The following TBC1D4 variants were observed in gnomAD, a reference collection of about 807,000 sequenced individuals.
TBC1D4 encodes the protein TBC1 domain family member 4.
In TBC1D4, 121 loss-of-function variants were observed where a neutral mutation model predicts 142.5. The observed-to-expected ratio is 0.85, with a 90% CI of 0.73 to 0.99. The LOEUF (loss-of-function observed/expected upper bound fraction) is 0.99. Among genes scored for constraint, TBC1D4 ranks in the 50% least tolerant of loss-of-function variants. The pLI, the probability that TBC1D4 is intolerant of heterozygous loss-of-function variation, is 0.00. For synonymous variants in TBC1D4, 630 were observed against 628.2 expected, an observed-to-expected ratio of 1.00 and a Z score of -0.04; for missense variants, 1,475 against 1,606.6, an observed-to-expected ratio of 0.92 and a Z score of 1.40.
chr13:75,481,215 C>CA, intron 1 of TBC1D4, 55 bp downstream of exon 1: 23 of 1,244,254 alleles, frequency 1.8e-5, no homozygotes, highest in Middle Eastern at 2.5e-4. Context: ...TCCCGCCCTG[C>CA]TCCCCGATCC....
chr13:75,343,373 G>C (rs1183699652), intron 5 of TBC1D4, among the ~76,000 whole-genome samples: 3 of 152,158 alleles, frequency 2.0e-5, no homozygotes, highest in Admixed American at 6.6e-5. Flanking sequence ...ATGAGAACTA[G>C]AGGAAAAGTT....
At chr13:75,435,746 T>C (rs1234626580) in intron 1 of TBC1D4, among the ~76,000 whole-genome samples, 1 of 152,084 alleles carries the variant, frequency 6.6e-6, no homozygotes, top group Non-Finnish European at 1.5e-5. Flanking sequence ...ACAAGCTAGG[T>C]AAGTATAAAA....
chr13:75,383,925 A>C (rs887359092), intron 1 of TBC1D4, among the ~76,000 whole-genome samples: 6 of 152,052 alleles, frequency 3.9e-5, no homozygotes, highest in African/African-American at 1.4e-4. Context: ...GTTTTCCTGA[A>C]CTATTCTTTC....
At chr13:75,344,286 T>C (rs1880974798) in intron 5 of TBC1D4, among the ~76,000 whole-genome samples, 2 of 152,244 alleles carry the variant, frequency 1.3e-5, no homozygotes, top group African/African-American at 2.4e-5. Flanking sequence ...AGATAAAAGA[T>C]TGAAAAGAGG....
intron 1 of TBC1D4, 58 bp downstream of exon 1, chr13:75,481,212 C>CCG: frequency 6.1e-6 from 9 of 1,486,976 alleles, no homozygotes; most frequent in Non-Finnish European, 7.3e-6. Flanking sequence ...CCCTCCCGCC[C>CCG]TGCTCCCCGA....
In TBC1D4 at chr13:75,481,616, G is replaced by A. The variant is rs1326408676; in HGVS notation, c.152C>T (p.Thr51Met). The A allele has an allele frequency of 6.2e-7, 1 of 1,608,370 alleles. No homozygotes were observed. Among genetic ancestry groups the A allele is most frequent in the African/African-American group, 1.3e-5 (1 of 74,710 alleles). The change falls in exon 1 of 21, where the codon ACG becomes ATG. Residue 51 changes from threonine (T) to methionine (M), a missense_variant. This residue lies in a region of TBC1D4 where 1,227 missense variants were observed against 1,267.7 expected (regional missense o/e 0.97). Coordinates refer to ENST00000377636, the MANE Select transcript of TBC1D4 (RefSeq NM_014832.5). ...CATGAGCCAGGGCAGCATAGGCAGCGTGGTCCTGTGGTCCAGGCACGACCC... is the reference window on the plus strand; with the variant it reads ...CATGAGCCAGGGCAGCATAGGCAGCATGGTCCTGTGGTCCAGGCACGACCC... ...VGGSCLDHRT[T>M]LPMLPWLMAE...
Position 75,482,138 on chromosome 13 carries a change from T to G in TBC1D4, c.-371A>C. The G allele has an allele frequency of 5.7e-6, 1 of 176,256 alleles. No individual in the cohort carries two copies. The highest frequency in any genetic ancestry group is 1.2e-5 in the Non-Finnish European group (1 of 85,456). The allele number at this position is 176,256 out of a possible 1,614,324, so 10.9% of individuals were successfully genotyped here. The stretch of plus-strand genomic sequence containing the variant: ...GCCGGCTCCAGCGCTGCAGCCCCGC[T>G]GCGGCCGCCGCGCTCGCCTGGGGCA... On this transcript the variant is annotated 5_prime_UTR_variant, in exon 1 of 21. Transcript: ENST00000377636.
chr13:75,436,627 A>G (rs1472660849), intron 1 of TBC1D4, among the ~76,000 whole-genome samples: 1 of 151,782 alleles, frequency 6.6e-6, no homozygotes, highest in Non-Finnish European at 1.5e-5. Context: ...ACTGCACTCC[A>G]GCCTGGGTGA....
chr13:75,409,041 GCACA>G (rs138532626), intron 1 of TBC1D4, among the ~76,000 whole-genome samples: 216 of 150,748 alleles, frequency 1.4e-3, no homozygotes, highest in African/African-American at 4.0e-3. Context: ...ATACACACAC[GCACA>G]CACACACACA....
chr13:75,396,933 GC>G (rs1245694699), intron 1 of TBC1D4, among the ~76,000 whole-genome samples: 2 of 152,030 alleles, frequency 1.3e-5, no homozygotes, highest in African/African-American at 4.8e-5. Flanking sequence ...ATATGCTGAA[GC>G]AAAACAAGAG....
chr13:75,395,170 C>T (rs552969432), intron 1 of TBC1D4, among the ~76,000 whole-genome samples: 2 of 152,270 alleles, frequency 1.3e-5, no homozygotes, highest in African/African-American at 4.8e-5. Context: ...GACAAAGGTA[C>T]AAGTTACCTG....
rs1881917970 is a variant in TBC1D4 at position 75,354,902 on chromosome 13, A to C, written c.1275+1245T>G. The stretch of plus-strand genomic sequence containing the variant: ...CTATCTCAAGTCCTAAATGCAACCC[A>C]TTTAGCAACAGCCTCTGGATATCAA... On this transcript the variant is annotated intron_variant, in intron 4 of 20. Coordinates refer to ENST00000377636, the MANE Select transcript of TBC1D4 (RefSeq NM_014832.5). Among the ~76,000 whole-genome samples the C allele has an allele frequency of 2.0e-5, 3 of 152,206 alleles. No homozygotes were observed. The South Asian group carries it at 6.2e-4, about 32-fold the overall frequency.
At chr13:75,384,788 AT>A (rs1173405519) in intron 1 of TBC1D4, among the ~76,000 whole-genome samples, 1 of 152,198 alleles carries the variant, frequency 6.6e-6, no homozygotes, top group East Asian at 1.9e-4. Context: ...AACAAAAATC[AT>A]CCTTAAATGT....
At chr13:75,348,421 T>C (rs1481561404) in intron 5 of TBC1D4, among the ~76,000 whole-genome samples, 1 of 152,242 alleles carries the variant, frequency 6.6e-6, no homozygotes, top group Non-Finnish European at 1.5e-5. Context: ...TTGGGATTAG[T>C]CCATGTCTCA....
intron 17 of TBC1D4, among the ~76,000 whole-genome samples, chr13:75,298,966 T>G (rs1876236068): frequency 6.6e-6 from 1 of 152,236 alleles, no homozygotes; most frequent in Non-Finnish European, 1.5e-5. Flanking sequence ...ACAAAAGATC[T>G]GTGAGCCTTT....
chr13:75,306,164 G>C, intron 15 of TBC1D4, 149 bp downstream of exon 15: 1 of 732,482 alleles, frequency 1.4e-6, no homozygotes, highest in Non-Finnish European at 2.2e-6. Flanking sequence ...TAAACTACAG[G>C]AAGAAACAAA....
intron 1 of TBC1D4, 59 bp downstream of exon 1, chr13:75,481,211 C>A: frequency 6.7e-7 from 1 of 1,503,382 alleles, no homozygotes; most frequent in Non-Finnish European, 9.0e-7. Context: ...CCCCTCCCGC[C>A]CTGCTCCCCG....
chr13:75,473,020 C>T (rs962140795), intron 1 of TBC1D4, among the ~76,000 whole-genome samples: 1 of 152,126 alleles, frequency 6.6e-6, no homozygotes. Context: ...TATTTGGAGA[C>T]AGAGTAAGCT....
chr13:75,374,367 T>C (rs1387604880), intron 1 of TBC1D4, among the ~76,000 whole-genome samples: 1 of 152,198 alleles, frequency 6.6e-6, no homozygotes, highest in Non-Finnish European at 1.5e-5. Context: ...TCAAATTTTA[T>C]GTATGTCAAA....
Sources: allele counts gnomAD v4.1 joint callset (sites outside exome capture counted in the v4.1 genomes callset), GRCh38; gene constraint gnomAD v4.1.1; regional missense constraint gnomAD v4.1.1; transcripts MANE v1.5; gene names NCBI Gene and HGNC (gene_info 2026-07-23, HGNC 2026-07-21).